The following CNTNAP2 variants were observed in gnomAD, a reference collection of about 807,000 sequenced individuals.
CNTNAP2 encodes contactin-associated protein-like 2.
CNTNAP2 carries 98 observed loss-of-function variants against 155.2 expected under a neutral mutation model. That is an observed-to-expected ratio of 0.63 (90% CI 0.54 to 0.75). CNTNAP2 has a LOEUF of 0.75. Among genes scored for constraint, CNTNAP2 ranks in the 30% least tolerant of loss-of-function variants. The probability of loss-of-function intolerance (pLI) is 0.00; values close to 1 mark genes in which losing one functional copy is unlikely to be tolerated. For missense variants in CNTNAP2, 1,727 were observed against 1,688.1 expected (o/e 1.02, Z -0.40); for synonymous variants, 651 against 631.2 (o/e 1.03, Z -0.47).
At chr7:146,369,023 C>A (rs1795193825) in intron 1 of CNTNAP2, among the ~76,000 whole-genome samples, 1 of 120,928 alleles carries the variant, frequency 8.3e-6, no homozygotes, top group Non-Finnish European at 1.6e-5. Flanking sequence ...GGAATAAAAG[C>A]ATTATGTATA....
chr7:146,739,834 A>C (rs1184378492), intron 1 of CNTNAP2, among the ~76,000 whole-genome samples: 2 of 152,186 alleles, frequency 1.3e-5, no homozygotes, highest in East Asian at 1.9e-4. Context: ...TTATGGGTAC[A>C]TACGTATTTA....
intron 17 of CNTNAP2, among the ~76,000 whole-genome samples, chr7:148,150,235 A>G (rs891212938): frequency 6.6e-6 from 1 of 151,842 alleles, no homozygotes; most frequent in African/African-American, 2.4e-5. Flanking sequence ...ACATAGTGAA[A>G]CCCTGTCTCT....
At chr7:147,905,137 G>A (rs1302393280) in intron 14 of CNTNAP2, among the ~76,000 whole-genome samples, 1 of 152,200 alleles carries the variant, frequency 6.6e-6, no homozygotes, top group East Asian at 1.9e-4. Context: ...TCCCTGTCCT[G>A]ACTCACATTC....
chr7:147,992,457 T>G (rs28594409), intron 15 of CNTNAP2, among the ~76,000 whole-genome samples: 10,146 of 152,170 alleles, frequency 0.067, 754 homozygotes, highest in African/African-American at 0.19. Context: ...AGTCGCCATG[T>G]GTATGTACAT....
At chr7:148,038,206 A>G (rs958691489) in intron 15 of CNTNAP2, among the ~76,000 whole-genome samples, 2 of 152,212 alleles carry the variant, frequency 1.3e-5, no homozygotes, top group Admixed American at 1.3e-4. Context: ...CTTCAAGGCA[A>G]TTCAGTCTGA....
In CNTNAP2 at chr7:148,227,854, G is replaced by A. The variant is rs1435452921; in HGVS notation, c.3248-1792G>A. Among the ~76,000 whole-genome samples the A allele has an allele frequency of 3.3e-5, 5 of 150,676 alleles. No individual in the cohort carries two copies. The East Asian group carries it at 7.8e-4, about 24-fold the overall frequency. On this transcript the variant is annotated intron_variant, in intron 19 of 23. Coordinates refer to ENST00000361727, the MANE Select transcript of CNTNAP2 (RefSeq NM_014141.6). ...AATCCAGGAACATGGCAAGTGTAAT[G>A]TTAGGATGCCTAAATAAGGAAGAGC... is the stretch of plus-strand genomic sequence containing the variant.
Position 148,043,937 on chromosome 7 carries a change from A to ATAT in CNTNAP2, c.2383+65949_2383+65951dup, listed in dbSNP as rs569593810. ...TGCCTGCCCCTCATTGCACAAAGGG[A>ATAT]TATATTTGACTATTCCATGGCATAT... On this transcript the variant is annotated intron_variant, in intron 15 of 23. Coordinates refer to ENST00000361727, the MANE Select transcript of CNTNAP2 (RefSeq NM_014141.6). 3.1e-3 allele frequency among the ~76,000 whole-genome samples: 469 copies of ATAT among 152,244 alleles called. 2 individuals are homozygous for ATAT. The highest frequency in any genetic ancestry group is 0.011 in the African/African-American group (447 of 41,544).
At chr7:146,309,593 G>A (rs1237186044) in intron 1 of CNTNAP2, among the ~76,000 whole-genome samples, 1 of 152,098 alleles carries the variant, frequency 6.6e-6, no homozygotes, top group Admixed American at 6.6e-5. Context: ...CCTAAGGTCA[G>A]GAGTTCGAGA....
intron 13 of CNTNAP2, among the ~76,000 whole-genome samples, chr7:147,864,344 T>C (rs1799189022): frequency 6.6e-6 from 1 of 152,186 alleles, no homozygotes; most frequent in South Asian, 2.1e-4. Context: ...TGTAGTATAG[T>C]TTGAAGTCAG....
chr7:147,521,150 G>T (rs1454826599), intron 11 of CNTNAP2, among the ~76,000 whole-genome samples: 1 of 152,146 alleles, frequency 6.6e-6, no homozygotes, highest in East Asian at 1.9e-4. Context: ...TCTCTCCTAT[G>T]TTAACCCTGC....
chr7:148,048,968 T>C (rs1173854888), intron 15 of CNTNAP2, among the ~76,000 whole-genome samples: 1 of 152,124 alleles, frequency 6.6e-6, no homozygotes, highest in Non-Finnish European at 1.5e-5. Context: ...TCCCAGCACT[T>C]TGGGAGGCCG....
At chr7:146,752,241 A>G (rs1801918289) in intron 1 of CNTNAP2, among the ~76,000 whole-genome samples, 1 of 152,158 alleles carries the variant, frequency 6.6e-6, no homozygotes, top group South Asian at 2.1e-4. Flanking sequence ...CACTCCCACC[A>G]ACGGTGTAAA....
At chr7:147,660,090 G>C (rs1395117369) in intron 13 of CNTNAP2, among the ~76,000 whole-genome samples, 6 of 152,238 alleles carry the variant, frequency 3.9e-5, no homozygotes. Flanking sequence ...TTTAAGAGCT[G>C]TGCAAAGCAG....
intron 9 of CNTNAP2, among the ~76,000 whole-genome samples, chr7:147,305,539 C>T (rs1410422035): frequency 6.6e-6 from 1 of 152,162 alleles, no homozygotes; most frequent in Non-Finnish European, 1.5e-5. Context: ...GTATCAGCTG[C>T]CTTGCTTTTG....
intron 3 of CNTNAP2, among the ~76,000 whole-genome samples, chr7:146,978,351 C>T (rs1184282127): frequency 1.3e-5 from 2 of 152,128 alleles, no homozygotes; most frequent in African/African-American, 4.8e-5. Context: ...CCAGGCTGCA[C>T]ATGGAGGGCA....
chr7:146,588,445 T>G (rs1162378083), intron 1 of CNTNAP2, among the ~76,000 whole-genome samples: 1 of 150,082 alleles, frequency 6.7e-6, no homozygotes, highest in Non-Finnish European at 1.5e-5. Flanking sequence ...CAAAATATAT[T>G]TATTAAATTA....
At chr7:146,233,903 G>A (rs802554) in intron 1 of CNTNAP2, among the ~76,000 whole-genome samples, 72,929 of 148,098 alleles carry the variant, frequency 0.49, 18,326 homozygotes, top group East Asian at 0.64. Flanking sequence ...CTTTGCTATT[G>A]TGAATAGTGC....
chr7:146,915,059 A>G (rs1796366882), intron 3 of CNTNAP2, among the ~76,000 whole-genome samples: 1 of 152,040 alleles, frequency 6.6e-6, no homozygotes, highest in Non-Finnish European at 1.5e-5. Flanking sequence ...TCCCAGCACC[A>G]TTTGTTAAAT....
chr7:148,312,208 C>T (rs1024974103), intron 21 of CNTNAP2, among the ~76,000 whole-genome samples: 1 of 152,066 alleles, frequency 6.6e-6, no homozygotes, highest in Non-Finnish European at 1.5e-5. Flanking sequence ...GGGTGCTGTC[C>T]CGGCTCTTGT....
Sources: gnomAD v4.1 joint callset for allele counts (sites outside exome capture counted in the v4.1 genomes callset) on GRCh38, gnomAD v4.1.1 for gene constraint, MANE v1.5 for transcripts, NCBI Gene and HGNC (gene_info 2026-07-23, HGNC 2026-07-21) for gene names.